IL19: variants seen among roughly 807,000 people sequenced by gnomAD.
The protein encoded by IL19 is interleukin-19.
A neutral mutation model predicts 19.5 loss-of-function variants in IL19; 15 were observed. That is an observed-to-expected ratio of 0.77 (90% CI 0.52 to 1.19). The LOEUF (loss-of-function observed/expected upper bound fraction) is 1.19. IL19 is among the 50% of genes most tolerant of loss of function. The probability of loss-of-function intolerance (pLI) is 0.00; values close to 1 mark genes in which losing one functional copy is unlikely to be tolerated. For synonymous variants in IL19, 78 were observed against 78.3 expected (o/e 1.00, Z 0.02); for missense variants, 199 against 213.1 (o/e 0.93, Z 0.41).
chr1:206,791,025 G>A (rs898124293), intron 1 of IL19, among the ~76,000 whole-genome samples: 1 of 152,216 alleles, frequency 6.6e-6, no homozygotes, highest in African/African-American at 2.4e-5. Context: ...TTTCTAGGCA[G>A]AGGGGCTTTC....
chr1:206,801,756 G>A (rs1675713894), intron 2 of IL19, among the ~76,000 whole-genome samples: 1 of 152,204 alleles, frequency 6.6e-6, no homozygotes, highest in Non-Finnish European at 1.5e-5. Context: ...ATGTTCTTAA[G>A]TAGACTGAAT....
intron 1 of IL19, chr1:206,772,200 A>G: frequency 7.2e-7 from 1 of 1,389,406 alleles, no homozygotes. Flanking sequence ...GAGGGTTCTT[A>G]TAGTTCCAGG....
At chr1:206,798,840 T>C (rs1675597329) in intron 1 of IL19, 21 bp from the exon 2 acceptor site, 2 of 1,303,794 alleles carry the variant, frequency 1.5e-6, no homozygotes, top group Non-Finnish European at 2.2e-6. Context: ...TAATGATGAC[T>C]CTCTATGATT....
chr1:206,785,122 G>T (rs1675240409), intron 1 of IL19, among the ~76,000 whole-genome samples: 1 of 152,184 alleles, frequency 6.6e-6, no homozygotes, highest in African/African-American at 2.4e-5. Context: ...GCTAGAAACA[G>T]GATATCTGAC....
At chr1:206,779,246 T>C (rs556509535) in intron 1 of IL19, among the ~76,000 whole-genome samples, 1 of 152,288 alleles carries the variant, frequency 6.6e-6, no homozygotes, top group African/African-American at 2.4e-5. Flanking sequence ...TGCTAAACCA[T>C]CACAGCTATG....
At chr1:206,813,278 G>C (rs751031291) in intron 2 of IL19, among the ~76,000 whole-genome samples, 4 of 152,210 alleles carry the variant, frequency 2.6e-5, no homozygotes, top group Non-Finnish European at 4.4e-5. Flanking sequence ...GCAGAAAAAG[G>C]GGTTTTCTCC....
At chr1:206,840,155 C>T (rs1676957073) in intron 5 of IL19, 153 bp downstream of exon 5, 1 of 847,422 alleles carries the variant, frequency 1.2e-6, no homozygotes, top group Admixed American at 2.0e-5. Context: ...AGAACCTCTC[C>T]CAGTGGCCAC....
intron 1 of IL19, among the ~76,000 whole-genome samples, chr1:206,793,462 A>C (rs1675450291): frequency 6.6e-6 from 1 of 152,196 alleles, no homozygotes; most frequent in South Asian, 2.1e-4. Flanking sequence ...GCGGCCTGGC[A>C]GTCGTGCTCT....
Position 206,794,890 on chromosome 1 carries a change from A to T in IL19, c.-148-3971A>T, listed in dbSNP as rs11119570. Among the ~76,000 whole-genome samples the T allele has an allele frequency of 1.8e-3, 280 of 152,058 alleles. 7 individuals carry two copies. In the East Asian group the frequency reaches 0.05, roughly 27 times the overall value. On this transcript the variant is annotated intron_variant, in intron 1 of 6. Transcript: ENST00000659997. ...CCCATGGCACTCATGTGAATTGGCA[A>T]AAGTGCTGTGGGATGGAAAATATTG...
At chr1:206,807,872 G>T (rs1419367745) in intron 2 of IL19, among the ~76,000 whole-genome samples, 4 of 152,198 alleles carry the variant, frequency 2.6e-5, no homozygotes, top group Admixed American at 1.3e-4. Context: ...TATATAGAAA[G>T]AAGTTATGGG....
intron 1 of IL19, among the ~76,000 whole-genome samples, chr1:206,788,232 C>T (rs2102452666): frequency 6.6e-6 from 1 of 152,218 alleles, no homozygotes; most frequent in East Asian, 1.9e-4. Flanking sequence ...TACTGTGTGC[C>T]CACCATATGC....
intron 1 of IL19, among the ~76,000 whole-genome samples, chr1:206,793,499 C>T (rs1004735702): frequency 6.6e-5 from 10 of 152,324 alleles, no homozygotes; most frequent in Admixed American, 2.0e-4. Flanking sequence ...TTCCCCCAGC[C>T]GGCCTGACTC....
chr1:206,825,314 G>A (rs1206756678), intron 2 of IL19, among the ~76,000 whole-genome samples: 1 of 152,228 alleles, frequency 6.6e-6, no homozygotes, highest in Non-Finnish European at 1.5e-5. Context: ...CACTTAAAAT[G>A]TGCTTAATTG....
Position 206,772,318 on chromosome 1 carries a change from T to C in IL19, c.-149+1240T>C, listed in dbSNP as rs755837237. On this transcript the variant is annotated intron_variant, in intron 1 of 6. Coordinates refer to ENST00000659997, the MANE Select transcript of IL19 (RefSeq NM_153758.5). The stretch of plus-strand genomic sequence containing the variant: ...AAGGCATCTCGGAGATCTCGAAGCA[T>C]GTTAGGCAGGTTGCCTGGGAAGTGG... 40 of 1,614,042 alleles carry C rather than the reference T, an allele frequency of 2.5e-5. No homozygotes were observed. The East Asian group carries it at 8.7e-4, about 35-fold the overall frequency.
chr1:206,771,285 A>C (rs1379946565), intron 1 of IL19: 2 of 1,392,546 alleles, frequency 1.4e-6, no homozygotes, highest in Non-Finnish European at 2.0e-6. Context: ...AATTCCCTGC[A>C]ATCAGGAAGC....
intron 1 of IL19, chr1:206,771,433 G>A (rs1558603037): frequency 6.3e-7 from 1 of 1,592,734 alleles, no homozygotes; most frequent in Admixed American, 1.8e-5. Flanking sequence ...AAGAACAAAA[G>A]GAGAATGAAC....
At chr1:206,805,721 T>A (rs532620785) in intron 2 of IL19, among the ~76,000 whole-genome samples, 13 of 152,156 alleles carry the variant, frequency 8.5e-5, no homozygotes, top group Admixed American at 7.2e-4. Flanking sequence ...AACCTACACA[T>A]AACAGGAGTT....
At chr1:206,778,960 A>T (rs1675070174) in intron 1 of IL19, among the ~76,000 whole-genome samples, 1 of 152,196 alleles carries the variant, frequency 6.6e-6, no homozygotes, top group African/African-American at 2.4e-5. Context: ...TTGGTAGAAG[A>T]GCTGAGGCAG....
chr1:206,840,239 C>A (rs983078650), intron 5 of IL19: 2 of 664,876 alleles, frequency 3.0e-6, no homozygotes, highest in Middle Eastern at 2.4e-4. Context: ...CTGGGGTGAC[C>A]AACTTATGTC....
Sources: gnomAD v4.1 joint callset for allele counts (sites outside exome capture counted in the v4.1 genomes callset) on GRCh38, gnomAD v4.1.1 for gene constraint, MANE v1.5 for transcripts, NCBI Gene and HGNC (gene_info 2026-07-23, HGNC 2026-07-21) for gene names.